The following PECAM1 variants were observed in gnomAD, a reference collection of about 807,000 sequenced individuals.
PECAM1 encodes platelet and endothelial cell adhesion molecule 1.
PECAM1 carries 8 observed loss-of-function variants against 13.8 expected under a neutral mutation model. That is an observed-to-expected ratio of 0.58 (90% CI 0.34 to 1.05). PECAM1 has a LOEUF of 1.05. Among genes scored for constraint, PECAM1 ranks in the 50% least tolerant of loss-of-function variants. The probability of loss-of-function intolerance (pLI) is 0.03; values close to 1 mark genes in which losing one functional copy is unlikely to be tolerated. For missense variants in PECAM1, 304 were observed against 141.2 expected (o/e 2.15, Z -5.84); for synonymous variants, 136 against 52.6 (o/e 2.58, Z -6.86).
rs1302395932 is a variant in PECAM1, at chr17:64,385,607, TG to T, written c.91+4881del. ...TGTGTCGAGAACCTGTGCCAGGTGC[TG>T]GGCTGACAGAGTAAGTAAGAAATCA... is the stretch of plus-strand genomic sequence containing the variant. On this transcript the variant is annotated intron_variant, in intron 2 of 15. Coordinates refer to ENST00000563924, the MANE Select transcript of PECAM1 (RefSeq NM_000442.5). Among the ~76,000 whole-genome samples, 388 of 152,294 alleles carry T rather than the reference TG, an allele frequency of 2.5e-3. 1 individual carries two copies. Among genetic ancestry groups the T allele is most frequent in the African/African-American group, 9.0e-3 (376 of 41,564 alleles).
At chr17:64,361,276 G>A (rs1300946688) in intron 6 of PECAM1, among the ~76,000 whole-genome samples, 1 of 151,900 alleles carries the variant, frequency 6.6e-6, no homozygotes, top group Non-Finnish European at 1.5e-5. Context: ...CTCCCGAGTA[G>A]CTGGGATTAC....
intron 8 of PECAM1, among the ~76,000 whole-genome samples, 189 bp downstream of exon 8, chr17:64,355,922 C>T (rs1348443506): frequency 6.6e-6 from 1 of 152,036 alleles, no homozygotes; most frequent in Non-Finnish European, 1.5e-5. Context: ...TTATAATAAT[C>T]GATTTCTCTT....
Position 64,375,361 on chromosome 17 carries a change from G to T in PECAM1, c.386-5C>A. The T allele has an allele frequency of 2.1e-6, 1 of 465,878 alleles. No homozygotes were observed. 28.9% of individuals were successfully genotyped at this position (465,878 alleles called of 1,614,324 possible). ...TCACCCTGGGACTGGGCACTCCTAC[G>T]GGGAAAGAGAAAGTCTGTCAGTATC... On this transcript the variant is annotated splice_polypyrimidine_tract_variant and splice_region_variant and intron_variant, in intron 3 of 15. Transcript: ENST00000563924.
At chr17:64,344,337 C>T (rs1331487518) in intron 13 of PECAM1, among the ~76,000 whole-genome samples, 1 of 152,080 alleles carries the variant, frequency 6.6e-6, no homozygotes, top group Admixed American at 6.6e-5. Context: ...AATGAGTAAA[C>T]CAGGCTGGCA....
chr17:64,354,884 T>C, intron 9 of PECAM1, 49 bp downstream of exon 9: 1 of 474,362 alleles, frequency 2.1e-6, no homozygotes, highest in Non-Finnish European at 3.9e-6. Flanking sequence ...CCTGGCTGGT[T>C]TCCTGGCAAG....
intron 4 of PECAM1, among the ~76,000 whole-genome samples, chr17:64,370,838 T>A (rs2036222948): frequency 6.6e-6 from 1 of 152,306 alleles, no homozygotes; most frequent in East Asian, 1.9e-4. Flanking sequence ...AGATTCCAAC[T>A]GTGTAAAATA....
At position 64,322,557 on chromosome 17, in the gene PECAM1, G is replaced by A. The variant is rs2034831299; in HGVS notation, c.*1259C>T. 6 of 985,416 alleles carry A rather than the reference G, an allele frequency of 6.1e-6. No individual in the cohort carries two copies. Among genetic ancestry groups the A allele is most frequent in the Non-Finnish European group, 7.2e-6 (6 of 829,944 alleles). The allele number at this position is 985,416 out of a possible 1,614,324, so 61.0% of individuals were successfully genotyped here. On this transcript the variant is annotated 3_prime_UTR_variant, in exon 16 of 16. Transcript: ENST00000563924. Reference sequence around the variant, plus strand: ...TACAACATCCACGAGGGTCCCTGCAGCTGTGTCACTGAGGCAAACAGGAAA... The same window carrying A: ...TACAACATCCACGAGGGTCCCTGCAACTGTGTCACTGAGGCAAACAGGAAA...
chr17:64,323,153 G>A lies in PECAM1; in HGVS notation c.*663C>T, dbSNP rs14753. Reference sequence around the variant, plus strand: ...AAGAGAAAGAGTGTAGACAAAAACAGTTGAAGAACATCTGTGCTTGTTCCA... The same window carrying A: ...AAGAGAAAGAGTGTAGACAAAAACAATTGAAGAACATCTGTGCTTGTTCCA... On this transcript the variant is annotated 3_prime_UTR_variant, in exon 16 of 16. Transcript: ENST00000563924. The A allele has an allele frequency of 1.0e-6, 1 of 986,038 alleles. No individual in the cohort carries two copies. The highest frequency in any genetic ancestry group is 1.2e-6 in the Non-Finnish European group (1 of 830,498). 61.1% of individuals were successfully genotyped at this position (986,038 alleles called of 1,614,324 possible). A position where few individuals can be genotyped will look rare whatever the true frequency, so the allele number is the denominator to read the frequency against.
chr17:64,332,024 G>A (rs2035137223), intron 14 of PECAM1, among the ~76,000 whole-genome samples: 3 of 152,184 alleles, frequency 2.0e-5, no homozygotes, highest in Non-Finnish European at 2.9e-5. Flanking sequence ...CTGTCACAGC[G>A]GGGGTCACAA....
intron 9 of PECAM1, among the ~76,000 whole-genome samples, chr17:64,354,280 G>A (rs1473357610): frequency 6.6e-6 from 1 of 152,134 alleles, no homozygotes; most frequent in African/African-American, 2.4e-5. Flanking sequence ...AAGTAAAGGC[G>A]AAATCAATCC....
chr17:64,337,194 T>A (rs1262374293), intron 14 of PECAM1, among the ~76,000 whole-genome samples: 1 of 152,130 alleles, frequency 6.6e-6, no homozygotes, highest in Non-Finnish European at 1.5e-5. Flanking sequence ...GGGCTCTCTC[T>A]ACCTTCACCC....
At chr17:64,386,710 T>C (rs985417759) in intron 2 of PECAM1, among the ~76,000 whole-genome samples, 2 of 151,742 alleles carry the variant, frequency 1.3e-5, no homozygotes, top group African/African-American at 4.8e-5. Context: ...GGCAGGAGGA[T>C]GGCTTCAGCC....
intron 15 of PECAM1, among the ~76,000 whole-genome samples, chr17:64,329,423 C>T (rs539350205): frequency 4.7e-4 from 71 of 152,250 alleles, no homozygotes; most frequent in Middle Eastern, 3.4e-3. Context: ...TAGACTTTGG[C>T]GTTAAACGAA....
chr17:64,335,153 C>T (rs1159127645), intron 14 of PECAM1, among the ~76,000 whole-genome samples: 5 of 152,062 alleles, frequency 3.3e-5, no homozygotes, highest in African/African-American at 9.7e-5. Flanking sequence ...TAATAAAGCC[C>T]GAGGACCACT....
intron 13 of PECAM1, among the ~76,000 whole-genome samples, chr17:64,342,091 A>G (rs1186638531): frequency 6.6e-6 from 1 of 151,746 alleles, no homozygotes; most frequent in Non-Finnish European, 1.5e-5. Flanking sequence ...CAGAGGTTGC[A>G]GTGAGCCAAG....
At chr17:64,330,076 C>A (rs7223936) in intron 14 of PECAM1, among the ~76,000 whole-genome samples, 12,037 of 151,978 alleles carry the variant, frequency 0.079, 1,611 homozygotes, top group African/African-American at 0.27. Context: ...CCTCAGCTGG[C>A]ACTATCTCGG....
chr17:64,386,791 A>C (rs1011282490), intron 2 of PECAM1, among the ~76,000 whole-genome samples: 1 of 152,128 alleles, frequency 6.6e-6, no homozygotes, highest in Non-Finnish European at 1.5e-5. Context: ...AACAAACAGA[A>C]AAAGATAAGG....
intron 13 of PECAM1, 72 bp downstream of exon 13, chr17:64,348,188 C>A: frequency 2.1e-6 from 1 of 466,896 alleles, no homozygotes; most frequent in Middle Eastern, 6.0e-4. Flanking sequence ...CTGAACACAG[C>A]ACCCCCGCCA....
intron 7 of PECAM1, among the ~76,000 whole-genome samples, chr17:64,357,679 G>C (rs973729055): frequency 6.6e-6 from 1 of 152,120 alleles, no homozygotes; most frequent in Non-Finnish European, 1.5e-5. Flanking sequence ...CCTCAGTTAC[G>C]TCATGATAAA....
Sources: allele counts gnomAD v4.1 joint callset (sites outside exome capture counted in the v4.1 genomes callset), GRCh38; gene constraint gnomAD v4.1.1; transcripts MANE v1.5; gene names NCBI Gene and HGNC (gene_info 2026-07-23, HGNC 2026-07-21).